Variants in ADAM12 observed in about 807,000 individuals in gnomAD.
ADAM12 encodes disintegrin and metalloproteinase domain-containing protein 12.
Under a neutral mutation model 106.4 loss-of-function variants are expected in ADAM12, and 70 were observed. The observed-to-expected ratio is 0.66, with a 90% CI of 0.54 to 0.80. ADAM12 has a LOEUF of 0.80. Ranked by LOEUF, ADAM12 falls within the 30% of genes least tolerant of loss-of-function variation. The probability of loss-of-function intolerance (pLI) is 0.00; values close to 1 mark genes in which losing one functional copy is unlikely to be tolerated. For synonymous variants in ADAM12, 420 were observed against 433.5 expected (o/e 0.97, Z 0.39); for missense variants, 1,010 against 1,171.9 (o/e 0.86, Z 2.02).
intron 11 of ADAM12, among the ~76,000 whole-genome samples, chr10:126,091,227 C>T (rs547214519): frequency 1.4e-4 from 21 of 152,202 alleles, no homozygotes; most frequent in Non-Finnish European, 2.1e-4. Context: ...GAATGATTTA[C>T]AATTTACAGA....
At chr10:126,196,121 T>G (rs1189020272) in intron 3 of ADAM12, among the ~76,000 whole-genome samples, 1 of 152,240 alleles carries the variant, frequency 6.6e-6, no homozygotes, top group African/African-American at 2.4e-5. Context: ...CTGAGATGTT[T>G]AATAACTGGC....
At chr10:126,158,585 T>C (rs1337023633) in intron 3 of ADAM12, among the ~76,000 whole-genome samples, 1 of 26,442 alleles carries the variant, frequency 3.8e-5, no homozygotes, top group African/African-American at 1.5e-4. Flanking sequence ...GAGCCGGGGG[T>C]GGGGATGCAG....
intron 4 of ADAM12, among the ~76,000 whole-genome samples, chr10:126,136,476 C>T (rs1956407648): frequency 6.6e-6 from 1 of 152,198 alleles, no homozygotes; most frequent in South Asian, 2.1e-4. Flanking sequence ...GAGAAAGGTA[C>T]ATGCATCTTC....
chr10:126,385,976 T>C (rs1856647064), intron 1 of ADAM12, among the ~76,000 whole-genome samples: 1 of 152,186 alleles, frequency 6.6e-6, no homozygotes, highest in Non-Finnish European at 1.5e-5. Flanking sequence ...AAGAGGCTTC[T>C]GCAGAAGAGA....
chr10:126,249,470 C>A (rs528701793), intron 3 of ADAM12, among the ~76,000 whole-genome samples: 1 of 152,180 alleles, frequency 6.6e-6, no homozygotes, highest in Non-Finnish European at 1.5e-5. Context: ...GAGGCCGAGG[C>A]GGGAGGATCA....
intron 3 of ADAM12, among the ~76,000 whole-genome samples, chr10:126,193,050 G>C (rs909081700): frequency 6.6e-6 from 1 of 152,130 alleles, no homozygotes; most frequent in African/African-American, 2.4e-5. Flanking sequence ...TGGATCACAA[G>C]GTCAGGAGAT....
intron 3 of ADAM12, among the ~76,000 whole-genome samples, chr10:126,173,289 A>G (rs7083079): frequency 0.43 from 65,449 of 151,998 alleles, 14,337 homozygotes; most frequent in Middle Eastern, 0.51. Flanking sequence ...TGTTAAGAGG[A>G]GCAATGGCAT....
intron 5 of ADAM12, among the ~76,000 whole-genome samples, chr10:126,120,807 A>G (rs377469014): frequency 6.7e-6 from 1 of 149,298 alleles, no homozygotes; most frequent in Non-Finnish European, 1.5e-5. Context: ...TTATTTTAGC[A>G]AATTCAGGAG....
intron 5 of ADAM12, among the ~76,000 whole-genome samples, chr10:126,126,772 A>C (rs1287374879): frequency 6.6e-6 from 1 of 151,828 alleles, no homozygotes; most frequent in Non-Finnish European, 1.5e-5. Context: ...GGGATGAAGG[A>C]GACGCTATAG....
At chr10:126,193,140 C>T (rs1055385258) in intron 3 of ADAM12, among the ~76,000 whole-genome samples, 9 of 151,886 alleles carry the variant, frequency 5.9e-5, no homozygotes, top group African/African-American at 2.2e-4. Flanking sequence ...TGGCCTGTGC[C>T]TGTGGTCTTG....
chr10:126,041,848 C>T, intron 18 of ADAM12: 7 of 1,258,954 alleles, frequency 5.6e-6, no homozygotes, highest in Non-Finnish European at 7.0e-6. Flanking sequence ...AGGGCTGGGG[C>T]CTGCCAGAGT....
At chr10:126,123,656 T>A (rs912765621) in intron 5 of ADAM12, among the ~76,000 whole-genome samples, 1 of 152,188 alleles carries the variant, frequency 6.6e-6, no homozygotes, top group African/African-American at 2.4e-5. Flanking sequence ...ATGACCCCAC[T>A]GTCCAAGGTG....
chr10:126,225,358 C>T (rs1232624564), intron 3 of ADAM12, among the ~76,000 whole-genome samples: 1 of 152,194 alleles, frequency 6.6e-6, no homozygotes, highest in East Asian at 1.9e-4. Context: ...AAGCTGAATG[C>T]TCTCTGCAAA....
chr10:126,077,104 C>G (rs1228995236), intron 11 of ADAM12, among the ~76,000 whole-genome samples: 1 of 152,074 alleles, frequency 6.6e-6, no homozygotes, highest in Non-Finnish European at 1.5e-5. Context: ...TTCTCTACAC[C>G]AATAATGTTC....
intron 3 of ADAM12, among the ~76,000 whole-genome samples, chr10:126,196,590 G>A (rs980272296): frequency 2.0e-5 from 3 of 152,226 alleles, no homozygotes; most frequent in Admixed American, 2.0e-4. Flanking sequence ...CTATGTCGCT[G>A]AGTCATGTTG....
intron 3 of ADAM12, among the ~76,000 whole-genome samples, chr10:126,230,202 T>G (rs1156917500): frequency 6.6e-6 from 1 of 152,192 alleles, no homozygotes; most frequent in Non-Finnish European, 1.5e-5. Flanking sequence ...AAATTACTTA[T>G]CTGTACCTCA....
intron 12 of ADAM12, among the ~76,000 whole-genome samples, chr10:126,067,385 A>C (rs1466356): frequency 0.21 from 31,359 of 152,188 alleles, 3,588 homozygotes; most frequent in East Asian, 0.27. Flanking sequence ...GAAAGTCAGA[A>C]ATGGACCTTA....
intron 12 of ADAM12, among the ~76,000 whole-genome samples, chr10:126,069,659 G>C (rs989479700): frequency 6.6e-6 from 1 of 152,220 alleles, no homozygotes; most frequent in African/African-American, 2.4e-5. Flanking sequence ...TAGGGGTGGG[G>C]ATGGTAGCAG....
Position 126,349,967 on chromosome 10 carries a change from T to G in ADAM12, c.89-19458A>C, listed in dbSNP as rs752617906. Among the ~76,000 whole-genome samples the G allele has an allele frequency of 4.9e-4, 74 of 152,346 alleles. 1 individual carries two copies. Among genetic ancestry groups the G allele is most frequent in the Middle Eastern group, 3.4e-3 (1 of 294 alleles). ...TGCATATGATTGAAATCTAGATATT[T>G]GTCTTTAGAGCCAAGAAGCCACATA... On this transcript the variant is annotated intron_variant, in intron 1 of 22. Transcript: ENST00000448723.
Sources: gnomAD v4.1 joint callset for allele counts (sites outside exome capture counted in the v4.1 genomes callset) on GRCh38, gnomAD v4.1.1 for gene constraint, MANE v1.5 for transcripts, NCBI Gene and HGNC (gene_info 2026-07-23, HGNC 2026-07-21) for gene names.